Variants in ANKRD36C observed in about 807,000 individuals in gnomAD.
ANKRD36C encodes ankyrin repeat domain 36C, also known as ankyrin repeat domain-containing protein 36C.
A neutral mutation model predicts 276.4 loss-of-function variants in ANKRD36C; 61 were observed. The observed-to-expected ratio is 0.22, with a 90% CI of 0.18 to 0.27. The LOEUF (loss-of-function observed/expected upper bound fraction) is 0.27. ANKRD36C is among the 10% of genes least tolerant of loss of function. The probability of loss-of-function intolerance (pLI) is 1.00; values close to 1 mark genes in which losing one functional copy is unlikely to be tolerated. For synonymous variants in ANKRD36C, 483 were observed against 680.1 expected (o/e 0.71, Z 4.51); for missense variants, 1,447 against 2,032.3 (o/e 0.71, Z 5.54).
chr2:95,933,877 A>AAT (rs1352081943), intron 24 of ANKRD36C, among the ~76,000 whole-genome samples: 9 of 152,408 alleles, frequency 5.9e-5, no homozygotes, highest in African/African-American at 1.9e-4. Flanking sequence ...ACAAAAGGCT[A>AAT]ATATCCAGAA....
At chr2:95,914,206 TAA>T (rs1677019661) in intron 39 of ANKRD36C, 26 bp from the exon 42 acceptor site, 2 of 1,571,004 alleles carry the variant, frequency 1.3e-6, no homozygotes, top group Admixed American at 1.9e-5. Context: ...AATGAAATAA[TAA>T]GTTAATAAAG....
intron 17 of ANKRD36C, among the ~76,000 whole-genome samples, chr2:95,946,999 T>G (rs1424381158): frequency 6.6e-6 from 1 of 151,802 alleles, no homozygotes. Context: ...ACCTGCACAA[T>G]GTGCACATGT....
rs1283156165 is a variant in ANKRD36C, at chr2:95,952,497, A to T, written c.1204-1089T>A. 2.6e-5 allele frequency among the ~76,000 whole-genome samples: 4 copies of T among 152,402 alleles called. No homozygotes were observed. The East Asian group carries it at 7.7e-4, about 29-fold the overall frequency. Reference sequence around the variant, plus strand: ...AAGAGTAATGTATGTCCCAAAAAAAAGGTATTTAATAGAACATGATTGGGG... The same window carrying T: ...AAGAGTAATGTATGTCCCAAAAAAATGGTATTTAATAGAACATGATTGGGG... On this transcript the variant is annotated intron_variant, in intron 14 of 66. Transcript: ENST00000456556.
Position 95,948,616 on chromosome 2 carries a change from GA to G in ANKRD36C, c.1296-21del. ...AGACACCTACAGAGCAAAAAGATATGAAAAAAATGAGCACGTTCATTTCTTA... is the reference window on the plus strand; with the variant it reads ...AGACACCTACAGAGCAAAAAGATATGAAAAAATGAGCACGTTCATTTCTTA... On this transcript the variant is annotated intron_variant, in intron 16 of 66. Coordinates refer to ENST00000456556, the Ensembl canonical transcript of ANKRD36C. 6.5e-7 allele frequency: 1 copy of G among 1,529,978 alleles called. No homozygotes were observed. 94.8% of individuals were successfully genotyped at this position (1,529,978 alleles called of 1,614,324 possible).
chr2:95,919,016 A>G (rs1413113235), intron 34 of ANKRD36C, among the ~76,000 whole-genome samples: 3 of 131,226 alleles, frequency 2.3e-5, no homozygotes, highest in African/African-American at 7.7e-5. Context: ...TCTCATTTTT[A>G]TAAGTAAAGT....
chr2:95,979,408 G>T (rs1417342422), intron 5 of ANKRD36C, among the ~76,000 whole-genome samples: 1 of 152,044 alleles, frequency 6.6e-6, no homozygotes, highest in Non-Finnish European at 1.5e-5. Context: ...ATGGATGAGG[G>T]TTAGCTCTGT....
intron 24 of ANKRD36C, among the ~76,000 whole-genome samples, chr2:95,931,763 G>A (rs1022706280): frequency 1.0e-3 from 151 of 148,186 alleles, no homozygotes; most frequent in Non-Finnish European, 8.4e-4. Flanking sequence ...CATTAGACAG[G>A]AAATAAATAT....
chr2:95,890,996 T>G (rs1297253687), intron 46 of ANKRD36C, among the ~76,000 whole-genome samples: 1 of 151,566 alleles, frequency 6.6e-6, no homozygotes, highest in South Asian at 2.1e-4. Flanking sequence ...CTCTGATACC[T>G]CCTAGTAAGA....
chr2:95,889,564 G>T (rs758529394), intron 48 of ANKRD36C, among the ~76,000 whole-genome samples: 26 of 151,334 alleles, frequency 1.7e-4, no homozygotes, highest in South Asian at 2.1e-4. Flanking sequence ...GTTGAATTGC[G>T]GTCAGATGGT....
At chr2:95,956,886 G>C in intron 12 of ANKRD36C, 70 bp from the exon 13 acceptor site, 2 of 1,394,550 alleles carry the variant, frequency 1.4e-6, no homozygotes, top group Non-Finnish European at 9.7e-7. Context: ...AAACATAAAA[G>C]AGCACAGTGA....
chr2:95,874,404 C>A (rs1430442228), intron 59 of ANKRD36C, among the ~76,000 whole-genome samples: 5 of 152,100 alleles, frequency 3.3e-5, no homozygotes, highest in East Asian at 1.9e-4. Flanking sequence ...TCTTTGACAA[C>A]CCTGAGAAAA....
intron 17 of ANKRD36C, among the ~76,000 whole-genome samples, chr2:95,947,100 T>C (rs1250152064): frequency 6.6e-6 from 1 of 151,972 alleles, no homozygotes; most frequent in Non-Finnish European, 1.5e-5. Context: ...TAATAGAACA[T>C]GGTTGGGGCT....
At chr2:95,965,867 C>A (rs1678577075) in intron 6 of ANKRD36C, among the ~76,000 whole-genome samples, 1 of 152,024 alleles carries the variant, frequency 6.6e-6, no homozygotes, top group Admixed American at 6.6e-5. Context: ...TTTTAATACA[C>A]AAAATCAAGT....
chr2:95,978,261 A>G (rs1678852764), intron 5 of ANKRD36C, 72 bp from the exon 6 acceptor site: 1 of 475,394 alleles, frequency 2.1e-6, no homozygotes, highest in East Asian at 4.4e-5. Context: ...ATACTAAATT[A>G]TTAGAGTATC....
intron 59 of ANKRD36C, among the ~76,000 whole-genome samples, chr2:95,870,221 C>A (rs540341860): frequency 4.6e-4 from 70 of 152,282 alleles, no homozygotes; most frequent in South Asian, 1.9e-3. Flanking sequence ...TCAAGTGAGA[C>A]CCTGACCACT....
intron 3 of ANKRD36C, among the ~76,000 whole-genome samples, chr2:95,985,682 T>C (rs1369071534): frequency 6.6e-6 from 1 of 152,230 alleles, no homozygotes; most frequent in Non-Finnish European, 1.5e-5. Flanking sequence ...GCACAGTTGA[T>C]AATCACTTCA....
At chr2:95,929,374 G>A (rs1677503944) in intron 24 of ANKRD36C, 107 bp from the exon 25 acceptor site, 5 of 1,007,654 alleles carry the variant, frequency 5.0e-6, no homozygotes, top group Non-Finnish European at 5.7e-6. Flanking sequence ...ACTCCTGCCT[G>A]TATTACTGTA....
At chr2:95,851,306 C>T in intron 66 of ANKRD36C, 111 bp from the exon 87 acceptor site, 1 of 797,318 alleles carries the variant, frequency 1.3e-6, no homozygotes, top group South Asian at 1.7e-5. Context: ...CATCCCTAAT[C>T]TAAAAATCTG....
Position 95,978,368 on chromosome 2 carries a change from G to A in ANKRD36C, c.732-179C>T, listed in dbSNP as rs534257469. Among the ~76,000 whole-genome samples, 5 of 152,122 alleles carry A rather than the reference G, an allele frequency of 3.3e-5. No individual in the cohort carries two copies. In the East Asian group the frequency reaches 9.6e-4, roughly 29 times the overall value. Reference sequence around the variant, plus strand: ...TTCTAATTAAATAATAATAACAGGTGAAGTACTCATGAAGTGAAGGCAGTA... The same window carrying A: ...TTCTAATTAAATAATAATAACAGGTAAAGTACTCATGAAGTGAAGGCAGTA... On this transcript the variant is annotated intron_variant, in intron 5 of 66. Coordinates refer to ENST00000456556, the Ensembl canonical transcript of ANKRD36C.
Sources: gnomAD v4.1 joint callset for allele counts (sites outside exome capture counted in the v4.1 genomes callset) on GRCh38, gnomAD v4.1.1 for gene constraint, MANE v1.5 for transcripts, NCBI Gene and HGNC (gene_info 2026-07-23, HGNC 2026-07-21) for gene names.